Variants in ASB4 observed in about 807,000 individuals in gnomAD.
The protein encoded by ASB4 is ankyrin repeat and SOCS box containing 4.
Under a neutral mutation model 38.6 loss-of-function variants are expected in ASB4, and 35 were observed. The observed-to-expected ratio is 0.91, with a 90% CI of 0.69 to 1.20. The LOEUF (loss-of-function observed/expected upper bound fraction) is 1.20. ASB4 is among the 50% of genes most tolerant of loss of function. The probability of loss-of-function intolerance (pLI) is 0.00; values close to 1 mark genes in which losing one functional copy is unlikely to be tolerated. For synonymous variants in ASB4, 195 were observed against 201.3 expected (o/e 0.97, Z 0.26); for missense variants, 557 against 527.2 (o/e 1.06, Z -0.55).
chr7:95,493,603 G>C (rs370146871), intron 1 of ASB4, among the ~76,000 whole-genome samples: 2 of 152,004 alleles, frequency 1.3e-5, no homozygotes, highest in Non-Finnish European at 2.9e-5. Flanking sequence ...ACATGCACAG[G>C]ATACTAAATT....
Position 95,536,467 on chromosome 7 carries a change from G to A in ASB4, c.1009G>A (p.Ala337Thr). The A allele has an allele frequency of 6.2e-7, 1 of 1,613,264 alleles. No homozygotes were observed. Among genetic ancestry groups the A allele is most frequent in the Non-Finnish European group, 8.5e-7 (1 of 1,179,322 alleles). Reference protein sequence around the residue: ...VIQACHSCPKAIEVVVNAYEH... With the variant: ...VIQACHSCPKTIEVVVNAYEH... ...ACAGGCCTGCCATTCTTGTCCTAAAGCAATTGAAGTTGTAGTCAATGCCTA... is the reference window on the plus strand; with the variant it reads ...ACAGGCCTGCCATTCTTGTCCTAAAACAATTGAAGTTGTAGTCAATGCCTA... The change falls in exon 4 of 5, where the codon GCA becomes ACA. Residue 337 changes from alanine (A) to threonine (T), a missense_variant. By Grantham distance (58) the Ala-to-Thr change is moderately conservative. Transcript: ENST00000325885.
intron 2 of ASB4, among the ~76,000 whole-genome samples, chr7:95,522,017 G>C (rs1226411966): frequency 6.6e-6 from 1 of 151,968 alleles, no homozygotes; most frequent in Non-Finnish European, 1.5e-5. Context: ...ATGGTGTACA[G>C]GTGTCAATAT....
intron 1 of ASB4, among the ~76,000 whole-genome samples, chr7:95,480,381 A>G (rs1585790015): frequency 6.6e-6 from 1 of 152,160 alleles, no homozygotes; most frequent in East Asian, 1.9e-4. Flanking sequence ...GATGGACCCC[A>G]TTGATTCTCA....
At chr7:95,515,289 CT>C (rs747492561) in intron 2 of ASB4, among the ~76,000 whole-genome samples, 2 of 114,206 alleles carry the variant, frequency 1.8e-5, no homozygotes, top group African/African-American at 6.3e-5. Flanking sequence ...TTCTTTCTTT[CT>C]TTCTTTCTTT....
At chr7:95,512,867 A>G (rs1449219619) in intron 2 of ASB4, among the ~76,000 whole-genome samples, 2 of 152,206 alleles carry the variant, frequency 1.3e-5, no homozygotes, top group African/African-American at 4.8e-5. Flanking sequence ...ACGACCCTCC[A>G]AAGATGTCTA....
downstream of ASB4, among the ~76,000 whole-genome samples, chr7:95,545,046 T>TC (rs963967413): frequency 4.6e-5 from 7 of 151,924 alleles, no homozygotes; most frequent in African/African-American, 1.4e-4. Flanking sequence ...AGCTTTTTTT[T>TC]TTTTCTTTTT....
At chr7:95,541,247 G>T (rs375127593), downstream of ASB4, among the ~76,000 whole-genome samples, 47 of 152,246 alleles carry the variant, frequency 3.1e-4, no homozygotes, top group East Asian at 2.9e-3. Flanking sequence ...TAGTCACGGT[G>T]CCTACTTCAT....
At chr7:95,529,396 A>C (rs1263083118) in intron 3 of ASB4, among the ~76,000 whole-genome samples, 2 of 152,236 alleles carry the variant, frequency 1.3e-5, no homozygotes, top group Non-Finnish European at 2.9e-5. Context: ...TTCACAGCTT[A>C]AGTTCTACGT....
At chr7:95,491,988 G>A (rs1790177974) in intron 1 of ASB4, among the ~76,000 whole-genome samples, 1 of 152,170 alleles carries the variant, frequency 6.6e-6, no homozygotes, top group Non-Finnish European at 1.5e-5. Context: ...ATACACTTCA[G>A]TATACCCTAA....
chr7:95,482,604 C>T (rs1354124898), upstream of ASB4, among the ~76,000 whole-genome samples: 2 of 152,184 alleles, frequency 1.3e-5, no homozygotes, highest in Non-Finnish European at 2.9e-5. Flanking sequence ...TCAAGGACCA[C>T]GCCTGAAGGA....
In ASB4 at chr7:95,531,693, C is replaced by T. The variant is rs546564039; in HGVS notation, c.978+3390C>T. On this transcript the variant is annotated intron_variant, in intron 3 of 4. Transcript: ENST00000325885. The stretch of plus-strand genomic sequence containing the variant: ...GAGACAGTATGTGTGTGAGTCCCTG[C>T]CCAGAGACTAAATGTTGACTTGTAT... Among the ~76,000 whole-genome samples, 4 of 152,220 alleles carry T rather than the reference C, an allele frequency of 2.6e-5. No homozygotes were observed. In the East Asian group the frequency reaches 7.7e-4, roughly 29 times the overall value.
At chr7:95,547,764 C>G in the ASB4 span, among the ~76,000 whole-genome samples, 1 of 152,148 alleles carries the variant, frequency 6.6e-6, no homozygotes, top group Non-Finnish European at 1.5e-5. Context: ...CTCATCCCAT[C>G]GGTTGAATGC....
intron 2 of ASB4, among the ~76,000 whole-genome samples, chr7:95,503,849 G>A (rs1410914945): frequency 6.6e-6 from 1 of 152,112 alleles, no homozygotes; most frequent in African/African-American, 2.4e-5. Context: ...GCTAATTGAG[G>A]CAAAAAATTG....
At chr7:95,505,821 A>G (rs767514315) in intron 2 of ASB4, among the ~76,000 whole-genome samples, 7 of 151,568 alleles carry the variant, frequency 4.6e-5, no homozygotes, top group Non-Finnish European at 7.4e-5. Context: ...GTCTTATTTC[A>G]TTCTTTTGCT....
intron 2 of ASB4, among the ~76,000 whole-genome samples, chr7:95,517,215 C>A (rs145996843): frequency 0.013 from 1,983 of 152,196 alleles, 59 homozygotes; most frequent in Admixed American, 0.056. Context: ...GTTGCCCAGG[C>A]TGAGGTGCAG....
upstream of ASB4, among the ~76,000 whole-genome samples, chr7:95,482,782 A>G (rs1790031691): frequency 6.6e-6 from 1 of 152,148 alleles, no homozygotes; most frequent in Admixed American, 6.5e-5. Flanking sequence ...ATGGATTATG[A>G]GAGGATATAT....
chr7:95,499,207 A>T (rs1162324270), intron 2 of ASB4, among the ~76,000 whole-genome samples: 1 of 152,180 alleles, frequency 6.6e-6, no homozygotes, highest in African/African-American at 2.4e-5. Flanking sequence ...CTAAAGGTAT[A>T]ATTTCAGAAT....
Position 95,534,303 on chromosome 7 carries a change from A to G in ASB4, c.979-2134A>G, listed in dbSNP as rs534564358. Among the ~76,000 whole-genome samples, 6 of 151,714 alleles carry G rather than the reference A, an allele frequency of 4.0e-5. No homozygotes were observed. The East Asian group carries it at 1.2e-3, about 30-fold the overall frequency. On this transcript the variant is annotated intron_variant, in intron 3 of 4. Transcript: ENST00000325885. ...GGTTGCAGTGAGCTGAGATTGCACC[A>G]TTGCACTCCAGCCTGGGCTAAAAAC...
chr7:95,547,545 G>C, the ASB4 span, among the ~76,000 whole-genome samples: 1 of 152,128 alleles, frequency 6.6e-6, no homozygotes, highest in Non-Finnish European at 1.5e-5. Context: ...CATTCTCCTA[G>C]CGATGAAGAT....
Sources: allele counts gnomAD v4.1 joint callset (sites outside exome capture counted in the v4.1 genomes callset), GRCh38; gene constraint gnomAD v4.1.1; transcripts MANE v1.5; gene names NCBI Gene and HGNC (gene_info 2026-07-23, HGNC 2026-07-21).